The following SEC63 variants were observed in gnomAD, a reference collection of about 807,000 sequenced individuals.
The protein encoded by SEC63 is SEC63 protein translocation regulator.
A neutral mutation model predicts 116.2 loss-of-function variants in SEC63; 56 were observed. That is an observed-to-expected ratio of 0.48 (90% CI 0.39 to 0.60). The LOEUF (loss-of-function observed/expected upper bound fraction) is 0.60, where lower values mean the gene tolerates loss of function less well. SEC63 is among the 20% of genes least tolerant of loss of function. The probability of loss-of-function intolerance (pLI) is 0.00; values close to 1 mark genes in which losing one functional copy is unlikely to be tolerated. For missense variants in SEC63, 668 were observed against 900.0 expected, an observed-to-expected ratio of 0.74 and a Z score of 3.30; for synonymous variants, 273 against 294.6, an observed-to-expected ratio of 0.93 and a Z score of 0.75.
At chr6:107,941,804 T>C (rs577879737) in intron 1 of SEC63, among the ~76,000 whole-genome samples, 1 of 152,336 alleles carries the variant, frequency 6.6e-6, no homozygotes, top group Non-Finnish European at 1.5e-5. Context: ...AAGGGCCCTT[T>C]TGCAGTGTTG....
At chr6:107,929,832 CCT>C (rs1198372502) in intron 1 of SEC63, among the ~76,000 whole-genome samples, 1 of 152,128 alleles carries the variant, frequency 6.6e-6, no homozygotes, top group Non-Finnish European at 1.5e-5. Flanking sequence ...AAATTCTCTC[CCT>C]CTTTCCCCTC....
Position 107,881,266 on chromosome 6 carries a change from A to G in SEC63, c.1834-16T>C, listed in dbSNP as rs751355513. 9 of 1,529,066 alleles carry G rather than the reference A, an allele frequency of 5.9e-6. No individual in the cohort carries two copies. In the Admixed American group the frequency reaches 1.5e-4, roughly 26 times the overall value. 94.7% of individuals were successfully genotyped at this position (1,529,066 alleles called of 1,614,324 possible). A position where few individuals can be genotyped will look rare whatever the true frequency, so the allele number is the denominator to read the frequency against. On this transcript the variant is annotated splice_polypyrimidine_tract_variant and intron_variant, in intron 17 of 20. Transcript: ENST00000369002. ...CTTGCCACTCCTAGTAAACAAAAAAATTAAAATATTTAAAATCTAGTATGT... is the reference window on the plus strand; with the variant it reads ...CTTGCCACTCCTAGTAAACAAAAAAGTTAAAATATTTAAAATCTAGTATGT...
intron 1 of SEC63, among the ~76,000 whole-genome samples, chr6:107,939,745 A>G (rs954593807): frequency 3.3e-5 from 5 of 152,200 alleles, no homozygotes; most frequent in Non-Finnish European, 7.3e-5. Context: ...AAAACTAAAA[A>G]ATAGTTAAAA....
chr6:107,883,083 C>A lies in SEC63; in HGVS notation c.1738G>T (p.Glu580Ter). 1 of 1,612,774 alleles carries A rather than the reference C, an allele frequency of 6.2e-7. No individual in the cohort carries two copies. The highest frequency in any genetic ancestry group is 8.5e-7 in the Non-Finnish European group (1 of 1,179,354). The change falls in exon 17 of 21, where the codon GAA becomes TAA. Residue 580 changes from glutamate to a stop codon, truncating the protein, a stop_gained. Transcript: ENST00000369002. LOFTEE classifies it high-confidence loss of function. The part of the protein sequence containing the change: ...SDKGSDSEEE[E>*]TNRDSQSEKD... ...TCACTTTGGGAATCTCTATTGGTTT[C>A]TTCTTCTTCAGAATCACTGCCCTTA...
intron 7 of SEC63, among the ~76,000 whole-genome samples, chr6:107,910,701 A>G (rs1324141013): frequency 6.6e-6 from 1 of 152,102 alleles, no homozygotes; most frequent in African/African-American, 2.4e-5. Context: ...TGTCATACAT[A>G]TATACATACA....
intron 4 of SEC63, among the ~76,000 whole-genome samples, chr6:107,917,589 A>T (rs1787438175): frequency 6.6e-6 from 1 of 152,254 alleles, no homozygotes; most frequent in African/African-American, 2.4e-5. Flanking sequence ...CAAGTTGTGA[A>T]TTCAGAGCAA....
At chr6:107,915,493 A>C (rs1264549457) in intron 4 of SEC63, among the ~76,000 whole-genome samples, 1 of 152,152 alleles carries the variant, frequency 6.6e-6, no homozygotes, top group Non-Finnish European at 1.5e-5. Context: ...CATATCTTTA[A>C]GGTGACAACA....
intron 19 of SEC63, 113 bp from the exon 20 acceptor site, chr6:107,873,025 A>G: frequency 2.8e-6 from 2 of 724,194 alleles, no homozygotes; most frequent in Admixed American, 4.2e-5. Context: ...CAGATGATAC[A>G]GAAAGTCCTA....
At chr6:107,883,413 A>T in intron 16 of SEC63, 7 of 399,640 alleles carry the variant, frequency 1.8e-5, no homozygotes, top group Non-Finnish European at 2.3e-5. Flanking sequence ...TTCTATTTGC[A>T]AAGCCCAATA....
At chr6:107,913,462 A>T (rs1279685284) in intron 4 of SEC63, 35 bp from the exon 5 acceptor site, 1 of 1,512,790 alleles carries the variant, frequency 6.6e-7, no homozygotes, top group South Asian at 1.1e-5. Flanking sequence ...AAAATTAGAA[A>T]GCCACATCTG....
chr6:107,942,892 A>G (rs1464532865), intron 1 of SEC63, among the ~76,000 whole-genome samples: 1 of 152,248 alleles, frequency 6.6e-6, no homozygotes, highest in Non-Finnish European at 1.5e-5. Flanking sequence ...TACAAGTTGC[A>G]GACCTCAATC....
chr6:107,921,790 T>A lies in SEC63; in HGVS notation c.452+7A>T. On this transcript the variant is annotated splice_region_variant and intron_variant, in intron 4 of 20. Transcript: ENST00000369002. ...CTTAAAAATTTGTAATGGATCCTGA[T>A]ACTTACGCAGCATAAGCTTTTGCTA... The A allele has an allele frequency of 6.5e-7, 1 of 1,544,800 alleles. No individual in the cohort carries two copies. Among genetic ancestry groups the A allele is most frequent in the South Asian group, 1.1e-5 (1 of 89,638 alleles).
At chr6:107,924,670 A>G (rs972154627) in intron 3 of SEC63, 148 bp downstream of exon 3, 316 of 477,292 alleles carry the variant, frequency 6.6e-4, no homozygotes, top group Admixed American at 3.3e-3. Context: ...TTAAATTATA[A>G]TAACAGAGGA....
intron 6 of SEC63, among the ~76,000 whole-genome samples, chr6:107,912,392 G>C (rs565029882): frequency 2.6e-5 from 4 of 152,300 alleles, no homozygotes; most frequent in East Asian, 1.9e-4. Flanking sequence ...AGACCAGCCT[G>C]GCCAGCATGG....
At chr6:107,929,937 T>C (rs1002663478) in intron 1 of SEC63, among the ~76,000 whole-genome samples, 1 of 152,158 alleles carries the variant, frequency 6.6e-6, no homozygotes, top group Non-Finnish European at 1.5e-5. Flanking sequence ...CAAAAATAAA[T>C]GCCTATCAAA....
chr6:107,906,621 TA>T, intron 9 of SEC63, 41 bp from the exon 10 acceptor site: 2 of 1,606,904 alleles, frequency 1.2e-6, no homozygotes, highest in Non-Finnish European at 1.7e-6. Context: ...ACGCTTTTTT[TA>T]AAAAAAGTAT....
rs145267940 is a variant in SEC63, at chr6:107,904,693, A to G, written c.990T>C (p.Pro330=). 3 of 1,613,832 alleles carry G rather than the reference A, an allele frequency of 1.9e-6. No individual in the cohort carries two copies. Among genetic ancestry groups the G allele is most frequent in the Non-Finnish European group, 2.5e-6 (3 of 1,179,684 alleles). ...CATTAACCATTTCTTGAAGTAGGGC[A>G]GGACACTTTTTTAGCATGAATTGCT... ...EDQQFMLKKC[P]ALLQEMVNVI... is the part of the protein sequence containing the mutation. The change falls in exon 11 of 21, where the codon CCT becomes CCC. Residue 330 remains proline, a synonymous_variant. Coordinates refer to ENST00000369002, the MANE Select transcript of SEC63 (RefSeq NM_007214.5).
At position 107,958,127 on chromosome 6, in the gene SEC63, C is replaced by T. The variant is rs983489986; in HGVS notation, c.-118G>A. The T allele has an allele frequency of 6.8e-7, 1 of 1,474,280 alleles. No homozygotes were observed. Among genetic ancestry groups the T allele is most frequent in the African/African-American group, 1.4e-5 (1 of 71,846 alleles). 91.3% of individuals were successfully genotyped at this position (1,474,280 alleles called of 1,614,324 possible). Reference sequence around the variant, plus strand: ...CTTGGACACTGCCGCCGCCGCCTCTCCTCCCCGCCCCCACGCCACTCTCAC... The same window carrying T: ...CTTGGACACTGCCGCCGCCGCCTCTTCTCCCCGCCCCCACGCCACTCTCAC... On this transcript the variant is annotated 5_prime_UTR_variant, in exon 1 of 21. Coordinates refer to ENST00000369002, the MANE Select transcript of SEC63 (RefSeq NM_007214.5).
chr6:107,953,901 C>A, intron 1 of SEC63, among the ~76,000 whole-genome samples: 1 of 149,186 alleles, frequency 6.7e-6, no homozygotes, highest in Non-Finnish European at 1.5e-5. Context: ...GGGCGCCTCT[C>A]CTCAGCCGCC....
Sources: allele counts gnomAD v4.1 joint callset (sites outside exome capture counted in the v4.1 genomes callset), GRCh38; gene constraint gnomAD v4.1.1; transcripts MANE v1.5; gene names NCBI Gene and HGNC (gene_info 2026-07-23, HGNC 2026-07-21).